Variants in INVS observed in about 807,000 individuals in gnomAD.
The protein encoded by INVS is inversion of embryo turning homolog.
Under a neutral mutation model 108.8 loss-of-function variants are expected in INVS, and 86 were observed. The observed-to-expected ratio is 0.79, with a 90% CI of 0.66 to 0.95. INVS has a LOEUF of 0.95. INVS is among the 40% of genes least tolerant of loss of function. INVS has a pLI of 0.00. For missense variants in INVS, 1,169 were observed against 1,297.4 expected (o/e 0.90, Z 1.52); for synonymous variants, 455 against 473.5 (o/e 0.96, Z 0.51).
intron 3 of INVS, among the ~76,000 whole-genome samples, chr9:100,139,199 T>A (rs191893544): frequency 6.6e-6 from 1 of 152,334 alleles, no homozygotes; most frequent in African/African-American, 2.4e-5. Context: ...TTTTCTCAGT[T>A]CTCGTACTTC....
intron 3 of INVS, among the ~76,000 whole-genome samples, chr9:100,210,719 C>T (rs530167433): frequency 1.1e-4 from 17 of 152,260 alleles, no homozygotes; most frequent in South Asian, 4.1e-4. Flanking sequence ...TTCCCCAACT[C>T]TTAGCATGGA....
At position 100,300,948 on chromosome 9, in the gene INVS, T is replaced by A. The variant is rs1833947862; in HGVS notation, c.*274T>A. On this transcript the variant is annotated 3_prime_UTR_variant, in exon 17 of 17. Coordinates refer to ENST00000262457, the MANE Select transcript of INVS (RefSeq NM_014425.5). ...CTGAGTGTCTGCTTTCACCTCAGTC[T>A]GTACAGTTGGAAATGAGAATTCATA... 4.4e-6 allele frequency: 2 copies of A among 456,096 alleles called. No individual in the cohort carries two copies. The highest frequency in any genetic ancestry group is 7.9e-6 in the Non-Finnish European group (2 of 251,802). The allele number at this position is 456,096 out of a possible 1,614,324, so 28.3% of individuals were successfully genotyped here.
At chr9:100,227,982 T>C (rs1831384813) in intron 4 of INVS, among the ~76,000 whole-genome samples, 1 of 129,294 alleles carries the variant, frequency 7.7e-6, no homozygotes, top group East Asian at 1.9e-4. Context: ...AACATTATTT[T>C]CTTTCTTTCT....
chr9:100,197,350 A>T (rs1830408941), intron 3 of INVS, among the ~76,000 whole-genome samples: 1 of 152,202 alleles, frequency 6.6e-6, no homozygotes, highest in Non-Finnish European at 1.5e-5. Flanking sequence ...AGGCGAGAGG[A>T]TCCCTTGATC....
chr9:100,293,018 G>A lies in INVS; in HGVS notation c.2761G>A (p.Ala921Thr). The A allele has an allele frequency of 6.2e-7, 1 of 1,614,034 alleles. No homozygotes were observed. Among genetic ancestry groups the A allele is most frequent in the South Asian group, 1.1e-5 (1 of 91,072 alleles). ...ELFRKKNKAA[A>T]VIQRAWRSYQ... ...GTTTCGCAAAAAGAACAAGGCAGCA[G>A]CAGTCATCCAGCGCGCCTGGCGAAG... Residue 921 changes from alanine (A) to threonine (T), a missense_variant, in exon 14 of 17, where the codon GCA (alanine) becomes ACA (threonine). This residue lies in a region of INVS where 533 missense variants were observed against 536.0 expected (regional missense o/e 0.99). Transcript: ENST00000262457.
At chr9:100,140,689 G>A (rs999514543) in intron 3 of INVS, among the ~76,000 whole-genome samples, 6 of 152,140 alleles carry the variant, frequency 3.9e-5, no homozygotes, top group Admixed American at 6.5e-5. Context: ...GATAATGGGC[G>A]ATGTTTCTTA....
At chr9:100,252,500 T>C (rs960177449) in intron 9 of INVS, 62 bp downstream of exon 9, 12 of 1,460,910 alleles carry the variant, frequency 8.2e-6, no homozygotes, top group Admixed American at 5.1e-5. Flanking sequence ...TTGCATACTC[T>C]GTTTAAGATA....
At chr9:100,228,982 G>A (rs546834157) in intron 4 of INVS, among the ~76,000 whole-genome samples, 20 of 152,128 alleles carry the variant, frequency 1.3e-4, no homozygotes, top group East Asian at 1.2e-3. Context: ...TACTTTTTCC[G>A]TCTTAACTAA....
intron 5 of INVS, among the ~76,000 whole-genome samples, chr9:100,236,811 G>A (rs1831701045): frequency 6.6e-6 from 1 of 152,214 alleles, no homozygotes. Context: ...GCTGGGAGGT[G>A]TCTCCCAGTG....
rs1266244239 is a variant in INVS at position 100,109,528 on chromosome 9, T to C, written c.106+4901T>C. On this transcript the variant is annotated intron_variant, in intron 2 of 16. Coordinates refer to ENST00000262457, the MANE Select transcript of INVS (RefSeq NM_014425.5). ...TGGTGTGTAATGATCAATGTTGTCA[T>C]TACTGCCAATAATATTTGAGGTCGC... 2.6e-5 allele frequency among the ~76,000 whole-genome samples: 4 copies of C among 152,356 alleles called. No homozygotes were observed. The East Asian group carries it at 7.7e-4, about 29-fold the overall frequency.
chr9:100,258,891 CCATTCT>C (rs1248355146), intron 10 of INVS, among the ~76,000 whole-genome samples: 1 of 152,204 alleles, frequency 6.6e-6, no homozygotes, highest in Non-Finnish European at 1.5e-5. Flanking sequence ...GGTAGTCTGT[CCATTCT>C]CAGATCTCAA....
intron 3 of INVS, among the ~76,000 whole-genome samples, chr9:100,222,688 A>G (rs1042505155): frequency 6.6e-6 from 1 of 152,134 alleles, no homozygotes; most frequent in African/African-American, 2.4e-5. Flanking sequence ...TCCAATCGAA[A>G]TGACTGTCTG....
intron 3 of INVS, among the ~76,000 whole-genome samples, chr9:100,165,133 G>A (rs1176887181): frequency 1.3e-5 from 2 of 151,284 alleles, no homozygotes; most frequent in Non-Finnish European, 2.9e-5. Flanking sequence ...GTATTTAGTA[G>A]GTATATGTAT....
At chr9:100,123,950 C>A (rs373047030) in intron 2 of INVS, among the ~76,000 whole-genome samples, 7 of 152,070 alleles carry the variant, frequency 4.6e-5, no homozygotes, top group African/African-American at 1.4e-4. Context: ...GTATTACAGG[C>A]ATGTGCCACC....
intron 2 of INVS, among the ~76,000 whole-genome samples, chr9:100,119,183 C>T (rs1024596822): frequency 6.6e-6 from 1 of 152,036 alleles, no homozygotes; most frequent in South Asian, 2.1e-4. Flanking sequence ...TTCTTTTTTT[C>T]AAAACCTTTT....
chr9:100,252,564 C>A, intron 9 of INVS, 126 bp downstream of exon 9: 2 of 922,876 alleles, frequency 2.2e-6, no homozygotes, highest in Non-Finnish European at 3.4e-6. Context: ...GATGATCACA[C>A]AACATGGCAT....
intron 3 of INVS, among the ~76,000 whole-genome samples, chr9:100,145,275 C>T (rs191113234): frequency 1.9e-3 from 282 of 149,118 alleles, no homozygotes; most frequent in African/African-American, 6.7e-3. Flanking sequence ...GGAAAGGGGT[C>T]GGGGCATGGA....
chr9:100,157,916 T>C (rs1457869736), intron 3 of INVS, among the ~76,000 whole-genome samples: 1 of 152,214 alleles, frequency 6.6e-6, no homozygotes, highest in African/African-American at 2.4e-5. Flanking sequence ...TTTTATGGTC[T>C]CCTTTTAAAT....
chr9:100,192,098 G>C (rs1175786019), intron 3 of INVS, among the ~76,000 whole-genome samples: 1 of 151,996 alleles, frequency 6.6e-6, no homozygotes, highest in African/African-American at 2.4e-5. Flanking sequence ...TCTTTCAGAG[G>C]GTCTGTGATT....
Sources: allele counts gnomAD v4.1 joint callset (sites outside exome capture counted in the v4.1 genomes callset), GRCh38; gene constraint gnomAD v4.1.1; regional missense constraint gnomAD v4.1.1; transcripts MANE v1.5; gene names NCBI Gene and HGNC (gene_info 2026-07-23, HGNC 2026-07-21).